Variants in COL15A1 observed in about 807,000 individuals in gnomAD.
The protein encoded by COL15A1 is collagen type XV alpha 1 chain.
Under a neutral mutation model 165.9 loss-of-function variants are expected in COL15A1, and 111 were observed. The ratio of observed to expected loss-of-function variants is 0.67; its 90% CI spans 0.57 to 0.78. The LOEUF (loss-of-function observed/expected upper bound fraction) is 0.78. Among genes scored for constraint, COL15A1 ranks in the 30% least tolerant of loss-of-function variants. The pLI, the probability that COL15A1 is intolerant of heterozygous loss-of-function variation, is 0.00. For missense variants in COL15A1, 1,745 were observed against 1,789.7 expected (o/e 0.98, Z 0.45); for synonymous variants, 659 against 674.8 (o/e 0.98, Z 0.36).
At chr9:99,017,819 T>C (rs7849547) in intron 11 of COL15A1, among the ~76,000 whole-genome samples, 2,979 of 152,314 alleles carry the variant, frequency 0.02, 93 homozygotes, top group African/African-American at 0.069. Flanking sequence ...TCTTTCTCTT[T>C]TTAACGTTTT....
intron 38 of COL15A1, among the ~76,000 whole-genome samples, chr9:99,062,526 G>A (rs1363567641): frequency 2.6e-5 from 4 of 152,218 alleles, no homozygotes; most frequent in Non-Finnish European, 5.9e-5. Flanking sequence ...TTCCCATGTA[G>A]TAGCCAAATC....
At chr9:99,027,018 C>A (rs1260786745) in intron 16 of COL15A1, among the ~76,000 whole-genome samples, 1 of 152,238 alleles carries the variant, frequency 6.6e-6, no homozygotes, top group East Asian at 1.9e-4. Flanking sequence ...CCTTCATCCT[C>A]TTCATTCTCT....
Position 99,034,761 on chromosome 9 carries a change from G to A in COL15A1, c.2079+177G>A, listed in dbSNP as rs976240. On this transcript the variant is annotated intron_variant, in intron 17 of 41. Coordinates refer to ENST00000375001, the MANE Select transcript of COL15A1 (RefSeq NM_001855.5). ...GAAGGCAGAACAGCTGGGGATGGTG[G>A]GGAGTAAACACACTTCAATGTTTTC... Among the ~76,000 whole-genome samples the A allele has an allele frequency of 0.13, 19,960 of 152,058 alleles. 1,539 individuals carry two copies. Among genetic ancestry groups the A allele is most frequent in the East Asian group, 0.24 (1,252 of 5,166 alleles).
chr9:98,991,260 C>CA (rs1491218652), intron 5 of COL15A1, among the ~76,000 whole-genome samples: 21 of 5,860 alleles, frequency 3.6e-3, no homozygotes, highest in Non-Finnish European at 1.3e-3. Context: ...CCTTATCTGA[C>CA]CCCCCCCCAC....
At chr9:98,953,516 A>G (rs1047925086) in intron 2 of COL15A1, among the ~76,000 whole-genome samples, 3 of 151,958 alleles carry the variant, frequency 2.0e-5, no homozygotes, top group Admixed American at 6.6e-5. Flanking sequence ...ACCCAATCCA[A>G]CCCAACCCAA....
rs751146676 is a variant in COL15A1 at position 99,035,351 on chromosome 9, A to G, written c.2222A>G (p.Asp741Gly). The change falls in exon 19 of 42, where the codon GAT (aspartate) becomes GGT (glycine). Residue 741 changes from aspartate (D) to glycine (G), a missense_variant and splice_region_variant. Asp to Gly is a moderately conservative substitution (Grantham distance 94, BLOSUM62 -1). Transcript: ENST00000375001. ...PGCTMGLGFE[D>G]TEGSGSTQLL... is the part of the protein sequence containing the mutation. ...TTCTCATTCTTGCTCCTTCCCCAGG[A>G]TACCGAAGGCTCTGGAAGCACCCAG... 1.2e-6 allele frequency: 2 copies of G among 1,614,078 alleles called. No homozygotes were observed. The highest frequency in any genetic ancestry group is 1.7e-6 in the Non-Finnish European group (2 of 1,180,042).
At chr9:99,060,000 T>C in intron 36 of COL15A1, 47 bp downstream of exon 36, 1 of 1,599,864 alleles carries the variant, frequency 6.3e-7, no homozygotes, top group Non-Finnish European at 8.5e-7. Flanking sequence ...TTGGGATAGA[T>C]ATACTTAAAA....
At chr9:99,025,795 G>A (rs370187159) in intron 15 of COL15A1, 109 bp from the exon 16 acceptor site, 8 of 1,159,182 alleles carry the variant, frequency 6.9e-6, no homozygotes, top group South Asian at 2.6e-5. Context: ...TGAGGCCCTG[G>A]GCCCACCAGC....
In COL15A1 at chr9:99,015,996, C is replaced by G; in HGVS notation, c.1524C>G (p.Asp508Glu). The change falls in exon 11 of 42, where the codon GAC (aspartate) becomes GAG (glutamate). Residue 508 changes from aspartate to glutamate, a missense_variant. Coordinates refer to ENST00000375001, the MANE Select transcript of COL15A1 (RefSeq NM_001855.5). ...AVTSGPGDEE[D>E]LAAATTEEPL... ...TTCAGGGTCCTGGTGATGAAGAAGA[C>G]TTGGCAGCAGCCACAACAGAGGAGC... 1 of 1,613,766 alleles carries G rather than the reference C, an allele frequency of 6.2e-7. No homozygotes were observed. The highest frequency in any genetic ancestry group is 8.5e-7 in the Non-Finnish European group (1 of 1,179,848).
At chr9:98,972,874 G>A (rs16918103) in intron 2 of COL15A1, among the ~76,000 whole-genome samples, 2,097 of 152,326 alleles carry the variant, frequency 0.014, 132 homozygotes, top group East Asian at 0.094. Flanking sequence ...CACAAGGAAA[G>A]CTTGAAAGGC....
intron 2 of COL15A1, 68 bp from the exon 3 acceptor site, chr9:98,985,497 T>A: frequency 6.9e-7 from 1 of 1,446,970 alleles, no homozygotes; most frequent in South Asian, 1.3e-5. Context: ...TGTGACTGCG[T>A]TTCTTCCTCA....
intron 40 of COL15A1, among the ~76,000 whole-genome samples, chr9:99,067,741 C>T (rs1825917898): frequency 6.6e-6 from 1 of 152,196 alleles, no homozygotes; most frequent in Non-Finnish European, 1.5e-5. Flanking sequence ...TAACCCCATA[C>T]CCAGCACTTT....
At chr9:98,984,938 T>C (rs1183462847) in intron 2 of COL15A1, among the ~76,000 whole-genome samples, 3 of 152,204 alleles carry the variant, frequency 2.0e-5, no homozygotes, top group Non-Finnish European at 2.9e-5. Flanking sequence ...ATTGCAGGCA[T>C]GTGCCAGCAT....
Position 99,047,975 on chromosome 9 carries a change from A to G in COL15A1, c.2768A>G (p.Lys923Arg), listed in dbSNP as rs778769107. ...GGACTGAATGGCCTCAAGGGTACCA[A>G]AGGAGATCCAGGGGTCATTATGCAG... ...RPGLNGLKGT[K>R]GDPGVIMQGP... Residue 923 changes from lysine to arginine, a missense_variant, in exon 28 of 42, where the codon AAA becomes AGA. Physicochemically the swap from Lys to Arg is conservative, Grantham distance 26 (BLOSUM62 2). Transcript: ENST00000375001. 6.3e-7 allele frequency: 1 copy of G among 1,597,668 alleles called. No individual in the cohort carries two copies. Among genetic ancestry groups the G allele is most frequent in the Non-Finnish European group, 8.6e-7 (1 of 1,169,172 alleles).
chr9:99,027,997 G>A (rs1349877210), intron 16 of COL15A1, among the ~76,000 whole-genome samples: 1 of 152,190 alleles, frequency 6.6e-6, no homozygotes, highest in African/African-American at 2.4e-5. Context: ...TTTGATCTTT[G>A]ACTCCCCATC....
chr9:99,009,936 C>A (rs1291580302), intron 9 of COL15A1, among the ~76,000 whole-genome samples: 2 of 152,186 alleles, frequency 1.3e-5, no homozygotes, highest in Admixed American at 6.5e-5. Context: ...GGCCAATATG[C>A]TGGTCTTGCA....
chr9:99,054,805 G>C, intron 32 of COL15A1, 149 bp downstream of exon 32: 1 of 864,378 alleles, frequency 1.2e-6, no homozygotes, highest in Non-Finnish European at 1.8e-6. Flanking sequence ...AACCAAGCAT[G>C]GGCCTGGCAT....
intron 5 of COL15A1, among the ~76,000 whole-genome samples, chr9:98,990,892 T>C (rs927970563): frequency 6.6e-6 from 1 of 152,066 alleles, no homozygotes; most frequent in Non-Finnish European, 1.5e-5. Context: ...TTCTTAAAGG[T>C]AGTGTGTCTG....
chr9:98,987,168 A>G lies in COL15A1; in HGVS notation c.649-126A>G. ...GGCCTGGCTTCGTGGTTGAGACTGC[A>G]GGCTGTACATCCTCATTCCCACGCT... On this transcript the variant is annotated intron_variant, in intron 3 of 41. Coordinates refer to ENST00000375001, the MANE Select transcript of COL15A1 (RefSeq NM_001855.5). 4.5e-6 allele frequency: 4 copies of G among 879,778 alleles called. No individual in the cohort carries two copies. In the South Asian group the frequency reaches 6.1e-5, roughly 14 times the overall value. 54.5% of individuals were successfully genotyped at this position (879,778 alleles called of 1,614,324 possible).
Sources: allele counts gnomAD v4.1 joint callset (sites outside exome capture counted in the v4.1 genomes callset), GRCh38; gene constraint gnomAD v4.1.1; transcripts MANE v1.5; gene names NCBI Gene and HGNC (gene_info 2026-07-23, HGNC 2026-07-21).